ZNF365: variants seen among roughly 807,000 people sequenced by gnomAD.
ZNF365 encodes protein ZNF365.
Under a neutral mutation model 35.0 loss-of-function variants are expected in ZNF365, and 22 were observed. The ratio of observed to expected loss-of-function variants is 0.63; its 90% CI spans 0.45 to 0.90. The LOEUF (loss-of-function observed/expected upper bound fraction) is 0.90. ZNF365 is among the 40% of genes least tolerant of loss of function. ZNF365 has a pLI of 0.00. For missense variants in ZNF365, 448 were observed against 500.3 expected, an observed-to-expected ratio of 0.90 and a Z score of 1.00; for synonymous variants, 188 against 196.2, an observed-to-expected ratio of 0.96 and a Z score of 0.35.
rs2132431786 is a variant in ZNF365, at chr10:62,402,075, A to G, written c.*2286A>G. The G allele has an allele frequency of 1.0e-6, 1 of 985,786 alleles. No homozygotes were observed. The highest frequency in any genetic ancestry group is 1.2e-6 in the Non-Finnish European group (1 of 829,914). The allele number at this position is 985,786 out of a possible 1,614,324, so 61.1% of individuals were successfully genotyped here. ...CATACCATGGCCTGAGCTAAGTACC[A>G]TGTCCTGTTTGTGTCTTATTTTTAA... On this transcript the variant is annotated 3_prime_UTR_variant, in exon 5 of 5. Transcript: ENST00000395254.
intron 3 of ZNF365, among the ~76,000 whole-genome samples, chr10:62,430,901 G>T (rs1042403648): frequency 6.6e-6 from 1 of 152,198 alleles, no homozygotes; most frequent in Admixed American, 6.5e-5. Context: ...TCCTGAATGA[G>T]TGGCCATCAC....
At chr10:62,423,088 CT>C (rs1197283186) in intron 3 of ZNF365, among the ~76,000 whole-genome samples, 1 of 152,004 alleles carries the variant, frequency 6.6e-6, no homozygotes, top group Non-Finnish European at 1.5e-5. Context: ...TGGCAACTAA[CT>C]TATATAATAG....
At chr10:62,460,598 C>G (rs1303716769) in intron 4 of ZNF365, among the ~76,000 whole-genome samples, 1 of 152,114 alleles carries the variant, frequency 6.6e-6, no homozygotes, top group Non-Finnish European at 1.5e-5. Context: ...AGCAAAACCT[C>G]AGATAAGTGG....
intron 3 of ZNF365, among the ~76,000 whole-genome samples, chr10:62,410,894 C>T (rs770388006): frequency 6.6e-5 from 10 of 152,280 alleles, no homozygotes; most frequent in Admixed American, 1.3e-4. Flanking sequence ...CTCCCACCAA[C>T]GGTGTAAAAG....
intron 3 of ZNF365, among the ~76,000 whole-genome samples, chr10:62,433,739 G>A (rs1010824170): frequency 2.8e-4 from 43 of 152,226 alleles, no homozygotes; most frequent in Admixed American, 2.7e-3. Flanking sequence ...CACACATTAT[G>A]ATTGGAGTTA....
chr10:62,433,822 G>A (rs1840367851), intron 3 of ZNF365, among the ~76,000 whole-genome samples: 1 of 152,194 alleles, frequency 6.6e-6, no homozygotes, highest in Non-Finnish European at 1.5e-5. Flanking sequence ...TACAGAGGAA[G>A]TTAAGGCGTT....
intron 4 of ZNF365, among the ~76,000 whole-genome samples, chr10:62,463,401 T>C (rs1319444357): frequency 6.6e-6 from 1 of 152,236 alleles, no homozygotes; most frequent in Non-Finnish European, 1.5e-5. Flanking sequence ...CCTTAAGTTT[T>C]AGTAATTGCC....
At chr10:62,405,797 G>T (rs1839896588), downstream of ZNF365, among the ~76,000 whole-genome samples, 1 of 152,126 alleles carries the variant, frequency 6.6e-6, no homozygotes, top group Non-Finnish European at 1.5e-5. Context: ...TGTTCACTTT[G>T]GTTGAGTATA....
chr10:62,447,846 G>A (rs1840615698), intron 3 of ZNF365, among the ~76,000 whole-genome samples: 1 of 152,200 alleles, frequency 6.6e-6, no homozygotes, highest in Non-Finnish European at 1.5e-5. Context: ...TGGAAGCTGA[G>A]CAGTCAGTGT....
chr10:62,457,194 A>G (rs1840775199), intron 3 of ZNF365, among the ~76,000 whole-genome samples: 1 of 152,222 alleles, frequency 6.6e-6, no homozygotes, highest in Admixed American at 6.5e-5. Context: ...TGTGTACCCT[A>G]TGCTGTGTCA....
intron 3 of ZNF365, among the ~76,000 whole-genome samples, chr10:62,392,032 G>A (rs1266981125): frequency 6.6e-6 from 1 of 152,052 alleles, no homozygotes; most frequent in African/African-American, 2.4e-5. Flanking sequence ...TATGTTTGTT[G>A]GCCATTTGTA....
intron 3 of ZNF365, among the ~76,000 whole-genome samples, chr10:62,456,528 AG>A (rs1840763696): frequency 6.6e-6 from 1 of 152,176 alleles, no homozygotes; most frequent in African/African-American, 2.4e-5. Context: ...CAAGTTGGAT[AG>A]AAAAAGCCAA....
intron 3 of ZNF365, among the ~76,000 whole-genome samples, chr10:62,451,872 T>C (rs949704810): frequency 2.6e-5 from 4 of 152,186 alleles, no homozygotes; most frequent in African/African-American, 9.7e-5. Flanking sequence ...AGGATTGTCA[T>C]GGGTAATGTG....
intron 3 of ZNF365, among the ~76,000 whole-genome samples, chr10:62,433,989 G>T (rs1428371521): frequency 6.6e-6 from 1 of 152,138 alleles, no homozygotes; most frequent in Non-Finnish European, 1.5e-5. Context: ...GGCTTTCTCA[G>T]ACTTAGTTTC....
At chr10:62,422,978 C>T (rs940747493) in intron 3 of ZNF365, among the ~76,000 whole-genome samples, 2 of 152,162 alleles carry the variant, frequency 1.3e-5, no homozygotes, top group Non-Finnish European at 2.9e-5. Flanking sequence ...GATGAGTTGT[C>T]TGAGGAAGGA....
chr10:62,475,229 CA>C (rs1251223145), intron 4 of ZNF365, among the ~76,000 whole-genome samples: 1 of 152,184 alleles, frequency 6.6e-6, no homozygotes, highest in African/African-American at 2.4e-5. Flanking sequence ...GACTGGGGAA[CA>C]GAAGCCTTGT....
intron 3 of ZNF365, among the ~76,000 whole-genome samples, chr10:62,446,390 A>G (rs1840589765): frequency 6.6e-6 from 1 of 152,220 alleles, no homozygotes; most frequent in African/African-American, 2.4e-5. Flanking sequence ...CATGTGTAAA[A>G]TGGAAATATT....
In ZNF365 at chr10:62,472,612, A is replaced by G. The variant is rs373834760; in HGVS notation, c.982-7264A>G. Among the ~76,000 whole-genome samples the G allele has an allele frequency of 2.4e-4, 36 of 152,344 alleles. No homozygotes were observed. In the South Asian group the frequency reaches 7.4e-3, roughly 32 times the overall value. ...CTTTCCTAGTGCTTTTAGAGTGACC[A>G]TGGCTCTGTGGACACCTTAATCTTA... On this transcript the variant is annotated intron_variant, in intron 4 of 4. Transcript: ENST00000395255.
chr10:62,445,257 G>A (rs1269678679), intron 3 of ZNF365, among the ~76,000 whole-genome samples: 1 of 151,136 alleles, frequency 6.6e-6, no homozygotes, highest in East Asian at 1.9e-4. Context: ...TGTCTTTATA[G>A]CAGCATGATT....
Sources: allele counts gnomAD v4.1 joint callset (sites outside exome capture counted in the v4.1 genomes callset), GRCh38; gene constraint gnomAD v4.1.1; transcripts MANE v1.5; gene names NCBI Gene and HGNC (gene_info 2026-07-23, HGNC 2026-07-21).